Variants in TINAG observed in about 807,000 individuals in gnomAD.
TINAG encodes tubulointerstitial nephritis antigen.
A neutral mutation model predicts 72.7 loss-of-function variants in TINAG; 83 were observed. The observed-to-expected ratio is 1.14, with a 90% CI of 0.96 to 1.37. TINAG has a LOEUF of 1.37. Among genes scored for constraint, TINAG ranks in the 40% most tolerant of loss-of-function variants. The pLI is 0.00. For missense variants in TINAG, 685 were observed against 576.6 expected, an observed-to-expected ratio of 1.19 and a Z score of -1.93; for synonymous variants, 234 against 189.9, an observed-to-expected ratio of 1.23 and a Z score of -1.91.
At position 54,351,357 on chromosome 6, in the gene TINAG, T is replaced by C; in HGVS notation, c.1086T>C (p.Thr362=). The C allele has an allele frequency of 6.2e-7, 1 of 1,609,910 alleles. No homozygotes were observed. Among genetic ancestry groups the C allele is most frequent in the Non-Finnish European group, 8.5e-7 (1 of 1,177,520 alleles). ...ATTCATATTTTTCCATCCAGGAAAC[T>C]GAGATAATGAAAGAAATCATGCAAA... The part of the protein sequence containing the change: ...SPPYRVSSNE[T]EIMKEIMQNG... The change falls in exon 8 of 11, where the codon ACT becomes ACC. Residue 362 remains threonine, a synonymous_variant. Transcript: ENST00000259782.
intron 3 of TINAG, among the ~76,000 whole-genome samples, chr6:54,322,184 G>A (rs1034648857): frequency 5.3e-5 from 8 of 151,884 alleles, no homozygotes; most frequent in East Asian, 1.9e-4. Context: ...GGTGCATGCC[G>A]ATAATCCCAG....
chr6:54,363,607 G>A (rs771940855), intron 9 of TINAG, among the ~76,000 whole-genome samples: 24 of 135,748 alleles, frequency 1.8e-4, no homozygotes, highest in Non-Finnish European at 3.6e-4. Flanking sequence ...ACAAAAAAGT[G>A]CCAACGGGTA....
chr6:54,357,748 T>A (rs1219958376), intron 9 of TINAG, among the ~76,000 whole-genome samples: 1 of 151,986 alleles, frequency 6.6e-6, no homozygotes, highest in Middle Eastern at 3.2e-3. Flanking sequence ...TGTTATTTTG[T>A]ACCTGGATTA....
Position 54,321,289 on chromosome 6 carries a change from C to T in TINAG, c.420-8C>T, listed in dbSNP as rs778057861. On this transcript the variant is annotated splice_region_variant and splice_polypyrimidine_tract_variant and intron_variant, in intron 2 of 10. Coordinates refer to ENST00000259782, the MANE Select transcript of TINAG (RefSeq NM_014464.4). The stretch of plus-strand genomic sequence containing the variant: ...CAAGCCACTTTTGTAATTGTCATAT[C>T]TTTGCAGCACATGCTCAGGACAGCA... 5 of 1,612,256 alleles carry T rather than the reference C, an allele frequency of 3.1e-6. No individual in the cohort carries two copies. The highest frequency in any genetic ancestry group is 1.3e-5 in the African/African-American group (1 of 74,886).
chr6:54,333,956 C>T (rs1023402549), intron 4 of TINAG, among the ~76,000 whole-genome samples: 2 of 152,218 alleles, frequency 1.3e-5, no homozygotes, highest in Non-Finnish European at 2.9e-5. Flanking sequence ...ACCTGGCAAA[C>T]TCCTTTGTAA....
At chr6:54,369,790 A>G (rs573757788) in intron 9 of TINAG, 3 of 152,194 alleles carry the variant, frequency 2.0e-5, no homozygotes, top group African/African-American at 7.2e-5. Flanking sequence ...ATTTAATCTG[A>G]GTTGAAAATT....
chr6:54,343,440 T>C (rs886181091), intron 5 of TINAG, 91 bp downstream of exon 5: 2 of 1,161,672 alleles, frequency 1.7e-6, no homozygotes, highest in Non-Finnish European at 2.2e-6. Flanking sequence ...ACAATTAGAA[T>C]ATTTAAATAT....
chr6:54,313,526 C>T (rs571552658), intron 1 of TINAG, among the ~76,000 whole-genome samples: 2 of 152,074 alleles, frequency 1.3e-5, no homozygotes, highest in East Asian at 4.0e-4. Flanking sequence ...CTGTTCTAAG[C>T]ACTTTTCAGG....
At chr6:54,370,759 T>A (rs923181663) in intron 9 of TINAG, among the ~76,000 whole-genome samples, 1 of 152,056 alleles carries the variant, frequency 6.6e-6, no homozygotes, top group African/African-American at 2.4e-5. Context: ...ATGTTGAAAC[T>A]GATAGATGGG....
At chr6:54,388,393 G>T (rs2150987207) in intron 10 of TINAG, among the ~76,000 whole-genome samples, 1 of 152,206 alleles carries the variant, frequency 6.6e-6, no homozygotes, top group African/African-American at 2.4e-5. Context: ...GATTAAGGAG[G>T]CAAACAGCCA....
intron 10 of TINAG, among the ~76,000 whole-genome samples, chr6:54,387,281 T>A (rs1222931023): frequency 6.6e-6 from 1 of 152,088 alleles, no homozygotes; most frequent in African/African-American, 2.4e-5. Context: ...GGATTTGGAG[T>A]AAATAGAATC....
chr6:54,352,105 T>G (rs1247794047), intron 8 of TINAG, among the ~76,000 whole-genome samples: 6 of 151,784 alleles, frequency 4.0e-5, no homozygotes, highest in Non-Finnish European at 8.8e-5. Flanking sequence ...TGGCTTGAAG[T>G]GCATGGAAGA....
chr6:54,389,730 CT>C, intron 10 of TINAG, 60 bp from the exon 11 acceptor site: 1 of 1,535,692 alleles, frequency 6.5e-7, no homozygotes, highest in Middle Eastern at 1.8e-4. Flanking sequence ...TTCTCCATGG[CT>C]TTTTTTAAAA....
chr6:54,321,281 T>G lies in TINAG; in HGVS notation c.420-16T>G. ...ATAAAGACCAAGCCACTTTTGTAAT[T>G]GTCATATCTTTGCAGCACATGCTCA... On this transcript the variant is annotated splice_polypyrimidine_tract_variant and intron_variant, in intron 2 of 10. Transcript: ENST00000259782. The G allele has an allele frequency of 6.2e-7, 1 of 1,608,212 alleles. No homozygotes were observed. The highest frequency in any genetic ancestry group is 2.2e-5 in the East Asian group (1 of 44,812).
At chr6:54,375,171 C>T (rs1763743264) in intron 9 of TINAG, among the ~76,000 whole-genome samples, 1 of 152,078 alleles carries the variant, frequency 6.6e-6, no homozygotes, top group African/African-American at 2.4e-5. Context: ...GAATCCAATC[C>T]CTAAGCAAAT....
chr6:54,317,645 A>C (rs1784403580), intron 1 of TINAG, among the ~76,000 whole-genome samples: 1 of 152,142 alleles, frequency 6.6e-6, no homozygotes, highest in Admixed American at 6.6e-5. Context: ...GTGTGAGAAC[A>C]GGCTAATACA....
chr6:54,331,100 C>T (rs1245116746), intron 4 of TINAG, among the ~76,000 whole-genome samples: 1 of 152,182 alleles, frequency 6.6e-6, no homozygotes, highest in Non-Finnish European at 1.5e-5. Flanking sequence ...CTCCCTAACT[C>T]ATTTTATGAG....
At chr6:54,320,002 TTCAGTTAA>T (rs1166957268) in intron 1 of TINAG, among the ~76,000 whole-genome samples, 2 of 103,840 alleles carry the variant, frequency 1.9e-5, no homozygotes, top group Admixed American at 1.3e-4. Flanking sequence ...AATAACTAGT[TTCAGTTAA>T]CAGTTAAGAA....
intron 9 of TINAG, among the ~76,000 whole-genome samples, chr6:54,358,460 A>G (rs1442693258): frequency 2.0e-5 from 3 of 151,490 alleles, no homozygotes; most frequent in Admixed American, 6.6e-5. Flanking sequence ...TCAACGAATG[A>G]ATGAGTTTTT....
Sources: gnomAD v4.1 joint callset for allele counts (sites outside exome capture counted in the v4.1 genomes callset) on GRCh38, gnomAD v4.1.1 for gene constraint, MANE v1.5 for transcripts, NCBI Gene and HGNC (gene_info 2026-07-23, HGNC 2026-07-21) for gene names.